The following KIAA0753 variants were observed in gnomAD, a reference collection of about 807,000 sequenced individuals.
The protein encoded by KIAA0753 is KIAA0753.
Under a neutral mutation model 116.9 loss-of-function variants are expected in KIAA0753, and 114 were observed. The observed-to-expected ratio is 0.98, with a 90% CI of 0.84 to 1.14. The LOEUF (loss-of-function observed/expected upper bound fraction) is 1.14. Among genes scored for constraint, KIAA0753 ranks in the 50% most tolerant of loss-of-function variants. The probability of loss-of-function intolerance (pLI) is 0.00; values close to 1 mark genes in which losing one functional copy is unlikely to be tolerated. For missense variants in KIAA0753, 1,156 were observed against 1,172.4 expected (o/e 0.99, Z 0.20); for synonymous variants, 405 against 413.1 (o/e 0.98, Z 0.24).
At chr17:6,634,135 C>T (rs1972171371) in intron 2 of KIAA0753, among the ~76,000 whole-genome samples, 1 of 146,956 alleles carries the variant, frequency 6.8e-6, no homozygotes, top group African/African-American at 2.5e-5. Context: ...TGGAGTCTCG[C>T]TCTGTCACCC....
intron 2 of KIAA0753, among the ~76,000 whole-genome samples, chr17:6,630,428 G>A (rs1420096455): frequency 2.0e-5 from 3 of 151,858 alleles, no homozygotes; most frequent in Admixed American, 1.3e-4. Context: ...TTTGGCAATC[G>A]CTAACAAAAA....
At chr17:6,584,519 A>G (rs2150728641) in intron 18 of KIAA0753, among the ~76,000 whole-genome samples, 1 of 152,338 alleles carries the variant, frequency 6.6e-6, no homozygotes, top group South Asian at 2.1e-4. Context: ...TACTTCTGCT[A>G]CATTCCAACA....
intron 12 of KIAA0753, among the ~76,000 whole-genome samples, chr17:6,604,714 C>T (rs1970083405): frequency 4.0e-5 from 6 of 151,814 alleles, no homozygotes; most frequent in African/African-American, 2.4e-5. Context: ...TTCTGTATCT[C>T]GACTATACCA....
At chr17:6,607,152 CT>C in intron 11 of KIAA0753, 28 bp downstream of exon 11, 1 of 1,582,526 alleles carries the variant, frequency 6.3e-7, no homozygotes, top group East Asian at 2.2e-5. Context: ...GCCTGCTTAC[CT>C]TTTCCTAACT....
chr17:6,616,006 G>A (rs935776162), intron 7 of KIAA0753, among the ~76,000 whole-genome samples: 8 of 151,448 alleles, frequency 5.3e-5, no homozygotes, highest in African/African-American at 1.9e-4. Flanking sequence ...AGGGGTGGGT[G>A]GGGAAGAGGA....
At chr17:6,585,134 T>G (rs1338198564) in intron 18 of KIAA0753, among the ~76,000 whole-genome samples, 1 of 96,178 alleles carries the variant, frequency 1.0e-5, no homozygotes, top group African/African-American at 6.5e-5. Context: ...CTTTAATTGA[T>G]AATTTATCTG....
At chr17:6,586,422 G>A (rs1215401775) in intron 18 of KIAA0753, among the ~76,000 whole-genome samples, 1 of 152,128 alleles carries the variant, frequency 6.6e-6, no homozygotes, top group Non-Finnish European at 1.5e-5. Flanking sequence ...AGATAAACTT[G>A]GTTCTTGCCT....
chr17:6,624,884 C>T, intron 3 of KIAA0753, 23 bp from the exon 4 acceptor site: 1 of 1,454,052 alleles, frequency 6.9e-7, no homozygotes. Flanking sequence ...ATAGTTTTCC[C>T]CAAAAGTGGA....
At chr17:6,598,277 A>T (rs527255079) in intron 14 of KIAA0753, among the ~76,000 whole-genome samples, 35 of 152,346 alleles carry the variant, frequency 2.3e-4, no homozygotes, top group African/African-American at 7.2e-4. Flanking sequence ...ACCAAGCCAT[A>T]ACAGCTGAAT....
chr17:6,587,584 C>G (rs1020633447), intron 18 of KIAA0753, among the ~76,000 whole-genome samples: 19 of 152,264 alleles, frequency 1.2e-4, no homozygotes, highest in Admixed American at 9.8e-4. Context: ...GCTACAGGAG[C>G]GCGTGTTAAC....
intron 16 of KIAA0753, among the ~76,000 whole-genome samples, chr17:6,593,495 C>T (rs1224612917): frequency 6.6e-6 from 1 of 152,072 alleles, no homozygotes; most frequent in Non-Finnish European, 1.5e-5. Context: ...ATGGCTCACA[C>T]CTGGAATCCC....
intron 18 of KIAA0753, 56 bp downstream of exon 18, chr17:6,589,723 A>T (rs903804853): frequency 2.2e-6 from 3 of 1,338,794 alleles, no homozygotes; most frequent in Non-Finnish European, 3.1e-6. Flanking sequence ...AGCTTTTTCT[A>T]AGTCTAAAAT....
rs550842668 is a variant in KIAA0753 at position 6,589,813 on chromosome 17, C to T, written c.2752G>A (p.Val918Ile). ...QYLRIISHEA[V>I]GSFNPWLIAE... is the part of the protein sequence containing the mutation. ...ATCAGCCACGGGTTGAAGGAGCCTA[C>T]AGCCTCATGAGATATGATCCGAAGG... Residue 918 changes from valine (V) to isoleucine (I), a missense_variant, in exon 18 of 19, where the codon GTA becomes ATA. Transcript: ENST00000361413. The T allele has an allele frequency of 1.4e-5, 23 of 1,613,612 alleles. No homozygotes were observed. In the South Asian group the frequency reaches 2.0e-4, roughly 14 times the overall value.
intron 9 of KIAA0753, among the ~76,000 whole-genome samples, chr17:6,609,564 G>C (rs760630719): frequency 6.6e-6 from 1 of 152,194 alleles, no homozygotes; most frequent in Non-Finnish European, 1.5e-5. Context: ...TCTTGACTTA[G>C]AGTTAGAATT....
intron 8 of KIAA0753, among the ~76,000 whole-genome samples, chr17:6,610,510 C>CTT (rs1567562661): frequency 1.6e-5 from 2 of 122,458 alleles, no homozygotes; most frequent in Middle Eastern, 4.4e-3. Context: ...TTTTTCTTTT[C>CTT]TTTCTCTTTT....
Position 6,580,899 on chromosome 17 carries a change from TACACACAC to T in KIAA0753, c.2787-1043_2787-1036del, listed in dbSNP as rs33914667. Among the ~76,000 whole-genome samples the T allele has an allele frequency of 2.6e-4, 37 of 144,032 alleles. No individual in the cohort carries two copies. In the South Asian group the frequency reaches 6.4e-3, roughly 25 times the overall value. The allele number at this position is 144,032 out of a possible 152,430, so 94.5% of individuals were successfully genotyped here. ...GGGACTCTGCACGGGTGCTCCTCTG[TACACACAC>T]ACACACACACACACACACACACACC... On this transcript the variant is annotated intron_variant, in intron 18 of 18. Transcript: ENST00000361413.
At position 6,628,276 on chromosome 17, in the gene KIAA0753, C is replaced by T. The variant is rs1325920374; in HGVS notation, c.559G>A (p.Val187Met). Residue 187 changes from valine (V) to methionine (M), a missense_variant, in exon 3 of 19, where the codon GTG (valine) becomes ATG (methionine). Transcript: ENST00000361413. ...TCATGGGTGGGTGGCGAATTTGGCACAGTAAGATCTGACTGGCCTGGATGA... is the reference window on the plus strand; with the variant it reads ...TCATGGGTGGGTGGCGAATTTGGCATAGTAAGATCTGACTGGCCTGGATGA... ...SSHPGQSDLT[V>M]PNSPPTHDPG... 5 of 1,614,154 alleles carry T rather than the reference C, an allele frequency of 3.1e-6. No homozygotes were observed. The highest frequency in any genetic ancestry group is 1.7e-5 in the Admixed American group (1 of 60,022).
At chr17:6,599,379 A>C (rs1597493940) in intron 13 of KIAA0753, 59 bp from the exon 14 acceptor site, 2 of 1,121,938 alleles carry the variant, frequency 1.8e-6, no homozygotes, top group East Asian at 4.9e-5. Flanking sequence ...CTATTAGTAC[A>C]AATGAATTCT....
At chr17:6,632,460 A>G (rs1219528153) in intron 2 of KIAA0753, among the ~76,000 whole-genome samples, 1 of 152,196 alleles carries the variant, frequency 6.6e-6, no homozygotes, top group East Asian at 1.9e-4. Flanking sequence ...GTAAGGCAAC[A>G]AGTAAATGTA....
Sources: gnomAD v4.1 joint callset for allele counts (sites outside exome capture counted in the v4.1 genomes callset) on GRCh38, gnomAD v4.1.1 for gene constraint, MANE v1.5 for transcripts, NCBI Gene and HGNC (gene_info 2026-07-23, HGNC 2026-07-21) for gene names.